Variants in CSMD3 observed in about 807,000 individuals in gnomAD.
The protein encoded by CSMD3 is CUB and sushi domain-containing protein 3.
A neutral mutation model predicts 435.2 loss-of-function variants in CSMD3; 177 were observed. The ratio of observed to expected loss-of-function variants is 0.41; its 90% CI spans 0.36 to 0.46. CSMD3 has a LOEUF of 0.46. CSMD3 is among the 20% of genes least tolerant of loss of function. CSMD3 has a pLI of 0.34. For synonymous variants in CSMD3, 1,656 were observed against 1,520.5 expected, an observed-to-expected ratio of 1.09 and a Z score of -2.07; for missense variants, 4,265 against 4,504.6, an observed-to-expected ratio of 0.95 and a Z score of 1.52.
At chr8:112,846,548 A>G (rs1398884372) in intron 11 of CSMD3, among the ~76,000 whole-genome samples, 1 of 151,696 alleles carries the variant, frequency 6.6e-6, no homozygotes, top group African/African-American at 2.4e-5. Context: ...GACTAAAGAC[A>G]TGTGCCACCA....
chr8:112,611,777 C>A (rs1195605681), intron 22 of CSMD3, among the ~76,000 whole-genome samples: 2 of 152,058 alleles, frequency 1.3e-5, no homozygotes. Flanking sequence ...TACTGGACTG[C>A]AAGTGTGCAT....
In CSMD3 at chr8:113,417,831, A is replaced by C. The variant is rs186398022; in HGVS notation, c.178+18846T>G. On this transcript the variant is annotated intron_variant, in intron 1 of 70. Coordinates refer to ENST00000297405, the MANE Select transcript of CSMD3 (RefSeq NM_198123.2). ...GGACAGGTTTAATGCCACAAAATTA[A>C]ATCAAATGATAAATTGGAGAATATC... Among the ~76,000 whole-genome samples the C allele has an allele frequency of 9.5e-4, 145 of 152,206 alleles. 1 individual carries two copies. Among genetic ancestry groups the C allele is most frequent in the African/African-American group, 3.4e-3 (140 of 41,572 alleles).
intron 3 of CSMD3, among the ~76,000 whole-genome samples, chr8:113,218,168 A>ATT (rs1319558921): frequency 2.8e-5 from 4 of 144,876 alleles, no homozygotes; most frequent in African/African-American, 1.0e-4. Context: ...CTCTAAGTGA[A>ATT]TTTTTTTTTT....
chr8:112,991,948 T>C (rs752489493), intron 6 of CSMD3, among the ~76,000 whole-genome samples: 7 of 151,796 alleles, frequency 4.6e-5, no homozygotes, highest in South Asian at 4.1e-4. Flanking sequence ...AATTTAATTA[T>C]AGTGTTAAGT....
At chr8:113,358,902 A>G (rs1433110645) in intron 1 of CSMD3, among the ~76,000 whole-genome samples, 1 of 152,186 alleles carries the variant, frequency 6.6e-6, no homozygotes, top group Non-Finnish European at 1.5e-5. Flanking sequence ...TATGTAGCAA[A>G]TTTCTCAATG....
At chr8:112,581,877 ACT>A (rs1830360363) in intron 23 of CSMD3, among the ~76,000 whole-genome samples, 2 of 151,906 alleles carry the variant, frequency 1.3e-5, no homozygotes, top group African/African-American at 4.8e-5. Flanking sequence ...CCCATTGAAG[ACT>A]CTGATCATAT....
rs112742155 is a variant in CSMD3 at position 113,122,915 on chromosome 8, A to T, written c.710-23952T>A. ...TTCTTAATTATTTTGAAATATTGTC[A>T]GGCAGGAGGAAGCTAGGAAATAAGG... On this transcript the variant is annotated intron_variant, in intron 4 of 70. Transcript: ENST00000297405. Among the ~76,000 whole-genome samples the T allele has an allele frequency of 3.8e-3, 572 of 151,986 alleles. 4 individuals are homozygous for T. Among genetic ancestry groups the T allele is most frequent in the African/African-American group, 0.013 (536 of 41,514 alleles).
intron 31 of CSMD3, among the ~76,000 whole-genome samples, chr8:112,491,344 G>T (rs11994593): frequency 0.017 from 2,637 of 152,106 alleles, 77 homozygotes; most frequent in African/African-American, 0.06. Context: ...ATATAACAGA[G>T]AAAAGTTCCA....
At chr8:112,929,692 A>T (rs373361973) in intron 9 of CSMD3, among the ~76,000 whole-genome samples, 3 of 152,204 alleles carry the variant, frequency 2.0e-5, no homozygotes, top group African/African-American at 7.2e-5. Flanking sequence ...AAAGGCACAT[A>T]GTAGGATAAT....
chr8:112,399,044 G>A (rs1342869807), intron 35 of CSMD3, among the ~76,000 whole-genome samples: 1 of 151,644 alleles, frequency 6.6e-6, no homozygotes, highest in East Asian at 1.9e-4. Flanking sequence ...AGCCTCCTGA[G>A]TAGCTGGAAT....
intron 13 of CSMD3, among the ~76,000 whole-genome samples, chr8:112,791,693 T>C (rs1378968178): frequency 6.6e-6 from 1 of 152,160 alleles, no homozygotes; most frequent in African/African-American, 2.4e-5. Flanking sequence ...ACTATGTATA[T>C]TCTCATACAA....
chr8:112,930,375 A>G (rs1160760565), intron 9 of CSMD3, among the ~76,000 whole-genome samples: 1 of 152,126 alleles, frequency 6.6e-6, no homozygotes, highest in Non-Finnish European at 1.5e-5. Context: ...AATAGTGGCA[A>G]CACATTAATT....
At chr8:112,760,831 G>A (rs1027116435) in intron 13 of CSMD3, among the ~76,000 whole-genome samples, 1 of 152,064 alleles carries the variant, frequency 6.6e-6, no homozygotes, top group African/African-American at 2.4e-5. Context: ...GATCTGCAAG[G>A]GTTTTCTAGT....
intron 1 of CSMD3, among the ~76,000 whole-genome samples, chr8:113,434,882 C>T (rs567928154): frequency 4.6e-5 from 7 of 152,192 alleles, no homozygotes; most frequent in African/African-American, 1.2e-4. Context: ...TTCCCTCCCC[C>T]TCATCTGCCC....
chr8:112,892,437 C>A (rs2081823492), intron 10 of CSMD3, among the ~76,000 whole-genome samples: 1 of 151,210 alleles, frequency 6.6e-6, no homozygotes, highest in Non-Finnish European at 1.5e-5. Flanking sequence ...GTAATTATGC[C>A]TTGTTGAAAA....
At chr8:112,348,180 A>G (rs1563823076) in intron 40 of CSMD3, among the ~76,000 whole-genome samples, 1 of 152,234 alleles carries the variant, frequency 6.6e-6, no homozygotes, top group Non-Finnish European at 1.5e-5. Flanking sequence ...TTTCCTCAGT[A>G]TCTCTGCAAT....
At chr8:113,175,402 T>A (rs933267896) in intron 3 of CSMD3, among the ~76,000 whole-genome samples, 2 of 151,904 alleles carry the variant, frequency 1.3e-5, no homozygotes, top group Non-Finnish European at 2.9e-5. Flanking sequence ...AATTGGCTAA[T>A]ATTTACTAAA....
At chr8:112,532,120 AATTG>A (rs1162597883) in intron 27 of CSMD3, among the ~76,000 whole-genome samples, 11 of 152,052 alleles carry the variant, frequency 7.2e-5, no homozygotes. Flanking sequence ...TCAACAGCAG[AATTG>A]ATTAAGCAGA....
intron 22 of CSMD3, among the ~76,000 whole-genome samples, chr8:112,619,100 GTGT>G (rs1244625901): frequency 6.6e-6 from 1 of 152,100 alleles, no homozygotes. Context: ...AGTGCTTGGT[GTGT>G]TATTAAGTGC....
Sources: gnomAD v4.1 joint callset for allele counts (sites outside exome capture counted in the v4.1 genomes callset) on GRCh38, gnomAD v4.1.1 for gene constraint, MANE v1.5 for transcripts, NCBI Gene and HGNC (gene_info 2026-07-23, HGNC 2026-07-21) for gene names.